Variants in SIPA1L2 observed in about 807,000 individuals in gnomAD.
The protein encoded by SIPA1L2 is signal-induced proliferation-associated 1-like protein 2.
A neutral mutation model predicts 163.9 loss-of-function variants in SIPA1L2; 56 were observed. The ratio of observed to expected loss-of-function variants is 0.34; its 90% CI spans 0.28 to 0.43. The LOEUF is 0.43. Ranked by LOEUF, SIPA1L2 falls within the 20% of genes least tolerant of loss-of-function variation. SIPA1L2 has a pLI of 1.00. For missense variants in SIPA1L2, 1,974 were observed against 2,193.5 expected (o/e 0.90, Z 2.00); for synonymous variants, 877 against 865.7 (o/e 1.01, Z -0.23).
In SIPA1L2 at chr1:232,630,076, C is replaced by CTCCTCCTCCG. The variant is rs1410661952; in HGVS notation, c.-536_-527dup. On this transcript the variant is annotated 5_prime_UTR_variant, in exon 1 of 23. Transcript: ENST00000674635. ...TCGGGCGGCCGGCGGGGGCGCGGTGCTCCTCCTCCGTCCTCCTCCTCCTCT... is the reference window on the plus strand; with the variant it reads ...TCGGGCGGCCGGCGGGGGCGCGGTGCTCCTCCTCCGTCCTCCTCCGTCCTCCTCCTCCTCT... Among the ~76,000 whole-genome samples, 7 of 150,342 alleles carry CTCCTCCTCCG rather than the reference C, an allele frequency of 4.7e-5. No homozygotes were observed. Among genetic ancestry groups the CTCCTCCTCCG allele is most frequent in the African/African-American group, 1.7e-4 (7 of 41,240 alleles).
intron 1 of SIPA1L2, among the ~76,000 whole-genome samples, chr1:232,575,491 G>A (rs1235529288): frequency 3.3e-5 from 5 of 152,116 alleles, no homozygotes; most frequent in Non-Finnish European, 7.4e-5. Flanking sequence ...CCTCAACTGC[G>A]GCTGAATGTA....
At chr1:232,541,247 TTAAC>T (rs1657647129) in intron 2 of SIPA1L2, among the ~76,000 whole-genome samples, 1 of 144,570 alleles carries the variant, frequency 6.9e-6, no homozygotes, top group African/African-American at 2.7e-5. Flanking sequence ...TAACATAACA[TTAAC>T]ATAACATAAC....
intron 6 of SIPA1L2, 88 bp downstream of exon 6, chr1:232,483,704 G>GA: frequency 1.4e-6 from 2 of 1,454,048 alleles, no homozygotes; most frequent in Non-Finnish European, 1.9e-6. Flanking sequence ...CCGGGAACAG[G>GA]AGGGCATGTG....
Position 232,411,697 on chromosome 1 carries a change from G to T in SIPA1L2, c.4762+3797C>A, listed in dbSNP as rs75131173. ...TTAAGTTAGTTAATTTTCCCTTTTTGCCATTGAAATAAATGCTTCTGAAAC... is the reference window on the plus strand; with the variant it reads ...TTAAGTTAGTTAATTTTCCCTTTTTTCCATTGAAATAAATGCTTCTGAAAC... On this transcript the variant is annotated intron_variant, in intron 19 of 22. Coordinates refer to ENST00000674635, the MANE Select transcript of SIPA1L2 (RefSeq NM_020808.5). 0.035 allele frequency among the ~76,000 whole-genome samples: 5,239 copies of T among 150,294 alleles called. 733 individuals are homozygous for T. In the East Asian group the frequency reaches 0.48, roughly 14 times the overall value.
rs144790826 is a variant in SIPA1L2 at position 232,537,149 on chromosome 1, T to C, written c.-269-21541A>G. On this transcript the variant is annotated intron_variant, in intron 2 of 22. Coordinates refer to ENST00000674635, the MANE Select transcript of SIPA1L2 (RefSeq NM_020808.5). ...TACTTGGGAGGCTGAGGTGGGAGGA[T>C]CACCTGAGACCTGGGAGGTTGAGGC... Among the ~76,000 whole-genome samples, 1,327 of 152,180 alleles carry C rather than the reference T, an allele frequency of 8.7e-3. 22 individuals carry two copies. The highest frequency in any genetic ancestry group is 0.029 in the African/African-American group (1,205 of 41,508).
intron 2 of SIPA1L2, among the ~76,000 whole-genome samples, chr1:232,537,426 A>G (rs1657376385): frequency 6.6e-6 from 1 of 152,166 alleles, no homozygotes; most frequent in Admixed American, 6.5e-5. Context: ...CTTAAGAAGA[A>G]CAATAGTAGC....
intron 1 of SIPA1L2, among the ~76,000 whole-genome samples, chr1:232,595,632 C>T (rs1661220663): frequency 6.6e-6 from 1 of 152,154 alleles, no homozygotes; most frequent in South Asian, 2.1e-4. Context: ...CTCCCCCAAC[C>T]AAAGAGGATT....
chr1:232,550,656 A>C (rs975737696), intron 2 of SIPA1L2, among the ~76,000 whole-genome samples: 12 of 152,218 alleles, frequency 7.9e-5, no homozygotes, highest in Admixed American at 6.5e-4. Flanking sequence ...TCTCACTTAA[A>C]GGTATCCAAC....
At chr1:232,575,069 G>C (rs1013813801) in intron 1 of SIPA1L2, among the ~76,000 whole-genome samples, 3 of 152,138 alleles carry the variant, frequency 2.0e-5, no homozygotes, top group African/African-American at 7.2e-5. Context: ...AATAATCAAC[G>C]TAAGAATTTC....
At chr1:232,544,471 A>G (rs568546275) in intron 2 of SIPA1L2, among the ~76,000 whole-genome samples, 20 of 152,168 alleles carry the variant, frequency 1.3e-4, no homozygotes, top group African/African-American at 4.8e-4. Flanking sequence ...GAGGCAGGAG[A>G]ATGGCGTGAA....
intron 2 of SIPA1L2, among the ~76,000 whole-genome samples, chr1:232,531,635 A>G (rs1656949857): frequency 6.6e-6 from 1 of 152,210 alleles, no homozygotes; most frequent in Non-Finnish European, 1.5e-5. Context: ...TGTAATACAG[A>G]GGAACATCTT....
chr1:232,469,413 C>A (rs1034476278), intron 8 of SIPA1L2, among the ~76,000 whole-genome samples: 1 of 152,104 alleles, frequency 6.6e-6, no homozygotes, highest in Non-Finnish European at 1.5e-5. Flanking sequence ...GGCATGCCAA[C>A]CTTATTTCAT....
chr1:232,578,180 T>C (rs1660176945), intron 1 of SIPA1L2, among the ~76,000 whole-genome samples: 1 of 152,036 alleles, frequency 6.6e-6, no homozygotes, highest in South Asian at 2.1e-4. Flanking sequence ...TAAATTAAGG[T>C]TTGCACATTT....
chr1:232,603,197 G>T (rs537481492), intron 1 of SIPA1L2, among the ~76,000 whole-genome samples: 2 of 152,158 alleles, frequency 1.3e-5, no homozygotes, highest in African/African-American at 4.8e-5. Flanking sequence ...ACAGAGATCT[G>T]GGGGGAAGAC....
At chr1:232,579,013 G>A (rs1042122047) in intron 1 of SIPA1L2, among the ~76,000 whole-genome samples, 1 of 152,154 alleles carries the variant, frequency 6.6e-6, no homozygotes, top group Non-Finnish European at 1.5e-5. Context: ...AAGTGTGAGG[G>A]GGAAAGGTTC....
At position 232,629,916 on chromosome 1, in the gene SIPA1L2, G is replaced by A. The variant is rs1410916215; in HGVS notation, c.-366C>T. Among the ~76,000 whole-genome samples the A allele has an allele frequency of 2.0e-5, 3 of 151,158 alleles. No individual in the cohort carries two copies. The highest frequency in any genetic ancestry group is 3.9e-4 in the East Asian group (2 of 5,102). On this transcript the variant is annotated 5_prime_UTR_variant, in exon 1 of 23. Coordinates refer to ENST00000674635, the MANE Select transcript of SIPA1L2 (RefSeq NM_020808.5). ...ACCTGCTACAGCCTGTGCGCGCCGG[G>A]CGGCGCGTACCCGGGCTGCCGCCTC...
chr1:232,529,459 G>A (rs1667869675), intron 2 of SIPA1L2, among the ~76,000 whole-genome samples: 1 of 152,210 alleles, frequency 6.6e-6, no homozygotes, highest in Non-Finnish European at 1.5e-5. Flanking sequence ...GGGCACAGAA[G>A]AATGGGTGAC....
intron 15 of SIPA1L2, among the ~76,000 whole-genome samples, chr1:232,433,975 T>C (rs1195599759): frequency 6.6e-6 from 1 of 152,194 alleles, no homozygotes; most frequent in Non-Finnish European, 1.5e-5. Flanking sequence ...GAAGATAATC[T>C]GAGTTAATAT....
intron 4 of SIPA1L2, among the ~76,000 whole-genome samples, chr1:232,493,239 G>A (rs952796037): frequency 1.3e-5 from 2 of 152,102 alleles, no homozygotes; most frequent in African/African-American, 4.8e-5. Flanking sequence ...TGTTAAGCCT[G>A]CGGAACTGTG....
Sources: gnomAD v4.1 joint callset for allele counts (sites outside exome capture counted in the v4.1 genomes callset) on GRCh38, gnomAD v4.1.1 for gene constraint, MANE v1.5 for transcripts, NCBI Gene and HGNC (gene_info 2026-07-23, HGNC 2026-07-21) for gene names.